C10orf67: variants seen among roughly 807,000 people sequenced by gnomAD.
C10orf67 encodes the protein chromosome 10 open reading frame 67, also known as uncharacterized protein C10orf67, mitochondrial.
A neutral mutation model predicts 35.6 loss-of-function variants in C10orf67; 60 were observed. The observed-to-expected ratio is 1.68, with a 90% CI of 1.37 to 2.09. The LOEUF (loss-of-function observed/expected upper bound fraction) is 2.09. Ranked by LOEUF, C10orf67 falls within the 30% of genes most tolerant of loss-of-function variation. The pLI, the probability that C10orf67 is intolerant of heterozygous loss-of-function variation, is 0.00. For missense variants in C10orf67, 474 were observed against 330.2 expected (o/e 1.44, Z -3.38); for synonymous variants, 167 against 115.8 (o/e 1.44, Z -2.84).
chr10:23,323,960 C>CAT lies in C10orf67; in HGVS notation c.328-1424_328-1423insAT, dbSNP rs1845084550. Among the ~76,000 whole-genome samples the CAT allele has an allele frequency of 6.0e-5, 6 of 100,804 alleles. 1 individual carries two copies. Among genetic ancestry groups the CAT allele is most frequent in the African/African-American group, 2.1e-4 (6 of 28,236 alleles). 66.1% of individuals were successfully genotyped at this position (100,804 alleles called of 152,430 possible). A position where few individuals can be genotyped will look rare whatever the true frequency, so the allele number is the denominator to read the frequency against. On this transcript the variant is annotated intron_variant, in intron 2 of 15. Coordinates refer to ENST00000636213, the MANE Select transcript of C10orf67 (RefSeq NM_001371909.1). ...ATATATATATATATATATACACACA[C>CAT]ACACACATATGAGTTAAAATGCTTC...
At chr10:23,218,943 T>C (rs1323617567) in intron 15 of C10orf67, among the ~76,000 whole-genome samples, 1 of 152,222 alleles carries the variant, frequency 6.6e-6, no homozygotes, top group Non-Finnish European at 1.5e-5. Flanking sequence ...AACTTCTTTT[T>C]ATCTCTTAAC....
At chr10:23,221,970 G>A (rs1057449064) in intron 15 of C10orf67, among the ~76,000 whole-genome samples, 1 of 152,126 alleles carries the variant, frequency 6.6e-6, no homozygotes, top group African/African-American at 2.4e-5. Context: ...ATGTCCACAG[G>A]CATCTGGTGT....
chr10:23,312,270 C>A (rs994717422), intron 4 of C10orf67, among the ~76,000 whole-genome samples: 6 of 152,140 alleles, frequency 3.9e-5, no homozygotes, highest in African/African-American at 1.4e-4. Flanking sequence ...TCATGGATTC[C>A]TATTTTACTC....
rs58972226 is a variant in C10orf67 at position 23,212,778 on chromosome 10, TGAGAGAGAGAGAGA to T, written c.1571-8537_1571-8524del. Among the ~76,000 whole-genome samples, 137 of 101,160 alleles carry T rather than the reference TGAGAGAGAGAGAGA, an allele frequency of 1.4e-3. 2 individuals are homozygous for T. Among genetic ancestry groups the T allele is most frequent in the African/African-American group, 3.9e-3 (109 of 27,682 alleles). The allele number at this position is 101,160 out of a possible 152,430, so 66.4% of individuals were successfully genotyped here. A position where few individuals can be genotyped will look rare whatever the true frequency, so the allele number is the denominator to read the frequency against. ...GAACTATATTCAGGAAATATTGTATTGAGAGAGAGAGAGAGAGAGAGAGAGAGAGAGAGAGAGAG... is the reference window on the plus strand; with the variant it reads ...GAACTATATTCAGGAAATATTGTATTGAGAGAGAGAGAGAGAGAGAGAGAG... On this transcript the variant is annotated intron_variant, in intron 15 of 15. Transcript: ENST00000636213.
At chr10:23,285,080 G>A (rs929900368) in intron 7 of C10orf67, among the ~76,000 whole-genome samples, 1 of 152,150 alleles carries the variant, frequency 6.6e-6, no homozygotes, top group Non-Finnish European at 1.5e-5. Context: ...CATCTGAACT[G>A]CTTCCCAGTT....
At chr10:23,225,785 A>G (rs2132111583) in intron 13 of C10orf67, among the ~76,000 whole-genome samples, 1 of 152,324 alleles carries the variant, frequency 6.6e-6, no homozygotes, top group Non-Finnish European at 1.5e-5. Context: ...GCCATTACGT[A>G]ATGGTAAAGG....
chr10:23,273,805 G>T (rs1007589546), intron 8 of C10orf67, among the ~76,000 whole-genome samples: 2 of 152,148 alleles, frequency 1.3e-5, no homozygotes, highest in African/African-American at 4.8e-5. Flanking sequence ...TCCACTTTTG[G>T]AGGCAAACTA....
intron 8 of C10orf67, among the ~76,000 whole-genome samples, chr10:23,274,760 G>A (rs1377487229): frequency 1.3e-5 from 2 of 151,992 alleles, no homozygotes; most frequent in Non-Finnish European, 2.9e-5. Context: ...AAAGATGACG[G>A]GATTGAGAGA....
intron 13 of C10orf67, among the ~76,000 whole-genome samples, chr10:23,238,792 A>G (rs1452582047): frequency 1.3e-5 from 2 of 152,226 alleles, no homozygotes; most frequent in Non-Finnish European, 2.9e-5. Flanking sequence ...AAAAGACACT[A>G]TATATATTCC....
At chr10:23,225,648 A>G (rs1250774476) in intron 13 of C10orf67, among the ~76,000 whole-genome samples, 6 of 152,184 alleles carry the variant, frequency 3.9e-5, no homozygotes, top group African/African-American at 1.2e-4. Flanking sequence ...AGACACACAT[A>G]GGCTCAAAAT....
In C10orf67 at chr10:23,318,641, C is replaced by G. The variant is rs1844827243; in HGVS notation, c.546+2100G>C. On this transcript the variant is annotated intron_variant, in intron 4 of 15. Transcript: ENST00000636213. ...AGCAGGTAAGTGGGAGACAGTGTCA[C>G]AGATGCCTTTGGAAACACAGTTTGG... 5 of 421,360 alleles carry G rather than the reference C, an allele frequency of 1.2e-5. No individual in the cohort carries two copies. In the South Asian group the frequency reaches 2.5e-4, roughly 21 times the overall value. The allele number at this position is 421,360 out of a possible 1,614,324, so 26.1% of individuals were successfully genotyped here.
chr10:23,223,555 C>T (rs955877397), intron 15 of C10orf67, 43 bp downstream of exon 15: 1 of 716,430 alleles, frequency 1.4e-6, no homozygotes, highest in Non-Finnish European at 2.6e-6. Context: ...GACTAAGTAG[C>T]CATTCTGGTG....
chr10:23,290,077 A>G (rs1843674378), intron 6 of C10orf67, 119 bp from the exon 7 acceptor site: 1 of 628,332 alleles, frequency 1.6e-6, no homozygotes, highest in African/African-American at 1.8e-5. Context: ...CACAAGGCCT[A>G]GCAGGACTGT....
intron 8 of C10orf67, among the ~76,000 whole-genome samples, chr10:23,273,402 C>A (rs980440343): frequency 6.6e-5 from 10 of 152,134 alleles, no homozygotes; most frequent in Admixed American, 2.0e-4. Context: ...AAATTGGAGT[C>A]CCTCAAATGC....
chr10:23,328,387 C>T lies in C10orf67; in HGVS notation c.327+4675G>A, dbSNP rs569191031. 3.9e-5 allele frequency among the ~76,000 whole-genome samples: 6 copies of T among 152,168 alleles called. No homozygotes were observed. The South Asian group carries it at 1.2e-3, about 32-fold the overall frequency. Reference sequence around the variant, plus strand: ...GCTTTCTATGGAAAGTTTTTGCTTTCCTAAGATAGCTATTACCACTCCTCC... The same window carrying T: ...GCTTTCTATGGAAAGTTTTTGCTTTTCTAAGATAGCTATTACCACTCCTCC... On this transcript the variant is annotated intron_variant, in intron 2 of 15. Coordinates refer to ENST00000636213, the MANE Select transcript of C10orf67 (RefSeq NM_001371909.1).
chr10:23,282,163 AT>A, intron 7 of C10orf67, 85 bp from the exon 8 acceptor site: 2 of 395,600 alleles, frequency 5.1e-6, no homozygotes, highest in Non-Finnish European at 4.7e-6. Context: ...AGTGAAACAT[AT>A]TTTAATATGA....
chr10:23,323,946 T>TACAC (rs1228876529), intron 2 of C10orf67, among the ~76,000 whole-genome samples: 1 of 56,448 alleles, frequency 1.8e-5, no homozygotes, highest in African/African-American at 8.0e-5. Context: ...TATATATATA[T>TACAC]ATATATACAC....
At chr10:23,229,612 T>A (rs181553632) in intron 13 of C10orf67, among the ~76,000 whole-genome samples, 1 of 152,116 alleles carries the variant, frequency 6.6e-6, no homozygotes, top group Admixed American at 6.6e-5. Context: ...CATTACATAA[T>A]GGTAAAATGT....
rs1843710767 is a variant in C10orf67 at position 23,291,197 on chromosome 10, A to T, written c.785T>A (p.Leu262Gln). Residue 262 changes from leucine (L) to glutamine (Q), a missense_variant, in exon 6 of 16, where the codon CTG becomes CAG. Coordinates refer to ENST00000636213, the MANE Select transcript of C10orf67 (RefSeq NM_001371909.1). ...TTCAAGCTCTGAAATGATCTGAAGC[A>T]GCCTCTCATTTTCCACTTTGTACTC... ...NLEYKVENER[L>Q]LQIISELEEE... The T allele has an allele frequency of 1.4e-6, 1 of 717,198 alleles. No individual in the cohort carries two copies. Among genetic ancestry groups the T allele is most frequent in the Non-Finnish European group, 2.6e-6 (1 of 385,020 alleles). The allele number at this position is 717,198 out of a possible 1,614,324, so 44.4% of individuals were successfully genotyped here.
Sources: gnomAD v4.1 joint callset for allele counts (sites outside exome capture counted in the v4.1 genomes callset) on GRCh38, gnomAD v4.1.1 for gene constraint, MANE v1.5 for transcripts, NCBI Gene and HGNC (gene_info 2026-07-23, HGNC 2026-07-21) for gene names.